The following ACTR3C variants were observed in gnomAD, a reference collection of about 807,000 sequenced individuals.
ACTR3C encodes actin related protein 3C, also known as actin-related protein 3C.
In ACTR3C, 18 loss-of-function variants were observed where a neutral mutation model predicts 26.3. That is an observed-to-expected ratio of 0.68 (90% CI 0.47 to 1.01). ACTR3C has a LOEUF of 1.01. Ranked by LOEUF, ACTR3C falls within the 50% of genes least tolerant of loss-of-function variation. The pLI is 0.00. For missense variants in ACTR3C, 184 were observed against 250.7 expected (o/e 0.73, Z 1.80); for synonymous variants, 55 against 94.5 (o/e 0.58, Z 2.42).
intron 1 of ACTR3C, chr7:150,322,701 T>A (rs1797667866): frequency 6.6e-6 from 1 of 152,204 alleles, no homozygotes; most frequent in Non-Finnish European, 1.5e-5. Flanking sequence ...GGAGTAGCCA[T>A]CCTTTTACTT....
At chr7:150,147,953 A>G in the ACTR3C span, among the ~76,000 whole-genome samples, 1 of 148,366 alleles carries the variant, frequency 6.7e-6, no homozygotes, top group African/African-American at 2.5e-5. Context: ...GGATGAGAAC[A>G]CAGGACACAT....
intron 3 of ACTR3C, among the ~76,000 whole-genome samples, chr7:150,292,258 C>T (rs970050480): frequency 1.3e-5 from 2 of 152,040 alleles, no homozygotes; most frequent in Non-Finnish European, 2.9e-5. Context: ...GAGGAGGAGA[C>T]CTCAAAGGAG....
intron 1 of ACTR3C, among the ~76,000 whole-genome samples, chr7:150,309,031 T>C (rs1796055266): frequency 6.6e-6 from 1 of 152,146 alleles, no homozygotes; most frequent in Non-Finnish European, 1.5e-5. Context: ...AAAGAGTTTA[T>C]ACCCTAGCCC....
the ACTR3C span, among the ~76,000 whole-genome samples, chr7:149,955,547 A>G: frequency 0.96 from 146,426 of 152,072 alleles, 70,699 homozygotes; most frequent in Non-Finnish European, 0.99. Context: ...GCAGTGAGGA[A>G]GGGCGGGGAA....
At chr7:150,206,428 T>G in the ACTR3C span, among the ~76,000 whole-genome samples, 1 of 152,136 alleles carries the variant, frequency 6.6e-6, no homozygotes, top group South Asian at 2.1e-4. Context: ...TATTATTTTT[T>G]TTGAGATGGA....
At chr7:150,285,338 C>T (rs1383697109) in intron 5 of ACTR3C, among the ~76,000 whole-genome samples, 2 of 152,152 alleles carry the variant, frequency 1.3e-5, no homozygotes, top group Admixed American at 1.3e-4. Flanking sequence ...TAACATGAAA[C>T]AATCCACATG....
the ACTR3C span, among the ~76,000 whole-genome samples, chr7:150,224,139 T>C: frequency 2.0e-5 from 3 of 152,196 alleles, no homozygotes; most frequent in Admixed American, 2.0e-4. Flanking sequence ...TCACCACTTA[T>C]GCTTTATTCA....
At chr7:150,096,596 C>T in the ACTR3C span, among the ~76,000 whole-genome samples, 37 of 151,878 alleles carry the variant, frequency 2.4e-4, no homozygotes, top group Middle Eastern at 6.8e-3. Flanking sequence ...TAAAGGCTTG[C>T]TGGACATTTC....
the ACTR3C span, among the ~76,000 whole-genome samples, chr7:150,038,237 C>G: frequency 1.4e-5 from 2 of 144,218 alleles, no homozygotes; most frequent in Non-Finnish European, 3.1e-5. Flanking sequence ...CCAAGGCCCT[C>G]AAATAGGGGG....
chr7:150,080,723 G>T, the ACTR3C span, among the ~76,000 whole-genome samples: 3 of 152,142 alleles, frequency 2.0e-5, no homozygotes, highest in African/African-American at 7.2e-5. Flanking sequence ...GTTTCCTGCA[G>T]ACACCAAAGT....
the ACTR3C span, among the ~76,000 whole-genome samples, chr7:149,992,975 C>T: frequency 6.6e-6 from 1 of 151,734 alleles, no homozygotes; most frequent in Non-Finnish European, 1.5e-5. Context: ...AGTCCAAAGG[C>T]GGAGGAACCG....
chr7:150,220,944 C>A, the ACTR3C span, among the ~76,000 whole-genome samples: 7 of 152,296 alleles, frequency 4.6e-5, no homozygotes, highest in African/African-American at 9.6e-5. Context: ...ACAGCTCCTG[C>A]GCAGGGCTCC....
chr7:150,048,552 CGCAGCACGCGA>C, the ACTR3C span, among the ~76,000 whole-genome samples: 1 of 151,846 alleles, frequency 6.6e-6, no homozygotes, highest in Non-Finnish European at 1.5e-5. Flanking sequence ...GCGCGTGCCC[CGCAGCACGCGA>C]GCGGACGGTG....
the ACTR3C span, among the ~76,000 whole-genome samples, chr7:149,940,067 A>G: frequency 2.0e-5 from 3 of 147,640 alleles, no homozygotes; most frequent in South Asian, 6.7e-4. Context: ...AATTTATTAT[A>G]TTACTCTGGT....
the ACTR3C span, among the ~76,000 whole-genome samples, chr7:149,999,958 A>G: frequency 0.55 from 80,970 of 147,968 alleles, 23,548 homozygotes; most frequent in South Asian, 0.64. Context: ...GATGTTAATA[A>G]TGAAACATCT....
chr7:150,284,028 G>A (rs1835560755), intron 6 of ACTR3C, among the ~76,000 whole-genome samples: 1 of 151,478 alleles, frequency 6.6e-6, no homozygotes, highest in Non-Finnish European at 1.5e-5. Context: ...AATAATACAT[G>A]AGCATATTCT....
chr7:150,140,901 A>C, the ACTR3C span, among the ~76,000 whole-genome samples: 3 of 152,280 alleles, frequency 2.0e-5, no homozygotes, highest in African/African-American at 7.2e-5. Flanking sequence ...GAAGGAAATT[A>C]AAAGTGCTAC....
chr7:150,052,323 G>C, the ACTR3C span, among the ~76,000 whole-genome samples: 1 of 152,092 alleles, frequency 6.6e-6, no homozygotes, highest in Non-Finnish European at 1.5e-5. Flanking sequence ...TGGGTAGTAA[G>C]ACCTTTTACA....
At chr7:149,943,034 G>A in the ACTR3C span, among the ~76,000 whole-genome samples, 7 of 152,090 alleles carry the variant, frequency 4.6e-5, no homozygotes, top group East Asian at 1.9e-4. Context: ...TGCCACCCAC[G>A]GCTGGAGCCC....
Sources: allele counts gnomAD v4.1 joint callset (sites outside exome capture counted in the v4.1 genomes callset), GRCh38; gene constraint gnomAD v4.1.1; transcripts MANE v1.5; gene names NCBI Gene and HGNC (gene_info 2026-07-23, HGNC 2026-07-21).